RBFOX3: variants seen among roughly 807,000 people sequenced by gnomAD.
RBFOX3 encodes RNA binding fox-1 homolog 3.
RBFOX3 carries 17 observed loss-of-function variants against 48.7 expected under a neutral mutation model. The ratio of observed to expected loss-of-function variants is 0.35; its 90% CI spans 0.24 to 0.52. RBFOX3 has a LOEUF of 0.52. Ranked by LOEUF, RBFOX3 falls within the 20% of genes least tolerant of loss-of-function variation. RBFOX3 has a pLI of 0.94. For missense variants in RBFOX3, 382 were observed against 497.5 expected (o/e 0.77, Z 2.21); for synonymous variants, 212 against 209.5 (o/e 1.01, Z -0.10).
the RBFOX3 span, among the ~76,000 whole-genome samples, chr17:79,616,544 A>G: frequency 2.0e-5 from 3 of 148,062 alleles, no homozygotes; most frequent in African/African-American, 5.0e-5. Flanking sequence ...TCAAGAAAAA[A>G]AAAAAAAAGA....
intron 4 of RBFOX3, among the ~76,000 whole-genome samples, chr17:79,118,418 T>C (rs898343572): frequency 6.7e-6 from 1 of 150,364 alleles, no homozygotes; most frequent in Non-Finnish European, 1.5e-5. Flanking sequence ...CGGAGTCCAG[T>C]GGGAAGGGGT....
At chr17:79,496,507 C>T (rs1418176337) in intron 1 of RBFOX3, among the ~76,000 whole-genome samples, 4 of 152,330 alleles carry the variant, frequency 2.6e-5, no homozygotes, top group Admixed American at 6.5e-5. Context: ...TTTGCACAAA[C>T]ATTTCAAGAG....
intron 2 of RBFOX3, among the ~76,000 whole-genome samples, chr17:79,439,690 G>A (rs1180183522): frequency 6.6e-6 from 1 of 152,228 alleles, no homozygotes; most frequent in Non-Finnish European, 1.5e-5. Flanking sequence ...GTGCACACGT[G>A]CCTCTGCACA....
intron 3 of RBFOX3, among the ~76,000 whole-genome samples, chr17:79,298,785 G>A (rs2074829055): frequency 6.6e-6 from 1 of 152,202 alleles, no homozygotes; most frequent in African/African-American, 2.4e-5. Context: ...TGTCAGGGGT[G>A]GTAGGAGAGC....
chr17:79,100,358 C>A (rs2076185864), intron 9 of RBFOX3: 1 of 152,196 alleles, frequency 6.6e-6, no homozygotes, highest in Admixed American at 6.5e-5. Flanking sequence ...ACTCGGGATG[C>A]TTGCAAAGTG....
chr17:79,379,261 C>T (rs1224772495), intron 2 of RBFOX3, among the ~76,000 whole-genome samples: 7 of 152,134 alleles, frequency 4.6e-5, no homozygotes, highest in Non-Finnish European at 7.4e-5. Flanking sequence ...AGGATGGGCC[C>T]GCACATTGTG....
chr17:79,636,588 G>C, the RBFOX3 span, among the ~76,000 whole-genome samples: 1 of 152,116 alleles, frequency 6.6e-6, no homozygotes, highest in African/African-American at 2.4e-5. Flanking sequence ...TATGCAATGT[G>C]ATCAGCTTTA....
Position 79,103,226 on chromosome 17 carries a change from C to T in RBFOX3, c.443G>A (p.Ser148Asn). The change falls in exon 8 of 15, where the codon AGC (serine) becomes AAC (asparagine). Residue 148 changes from serine to asparagine, a missense_variant. Physicochemically the swap from Ser to Asn is conservative, Grantham distance 46 (BLOSUM62 1). This residue lies in a region of RBFOX3 where 49 missense variants were observed against 110.7 expected (regional missense o/e 0.44). Coordinates refer to ENST00000693108, the MANE Select transcript of RBFOX3 (RefSeq NM_001350451.2). The surrounding 1 kb of genome is among the most constrained non-coding windows in gnomAD (Gnocchi z 6.1). The part of the protein sequence containing the change: ...KGFGFVTFET[S>N]SDADRAREKL... ...CTCCCGGGCTCGGTCAGCATCTGAG[C>T]TAGTTTCAAAAGTTACAAACCCAAA... is the stretch of plus-strand genomic sequence containing the variant. 6.4e-7 allele frequency: 1 copy of T among 1,551,258 alleles called. No homozygotes were observed. The highest frequency in any genetic ancestry group is 1.2e-5 in the South Asian group (1 of 84,050).
chr17:79,422,122 G>T (rs1050154119), intron 2 of RBFOX3, among the ~76,000 whole-genome samples: 1 of 152,124 alleles, frequency 6.6e-6, no homozygotes, highest in Non-Finnish European at 1.5e-5. Flanking sequence ...TGTGGGCCGG[G>T]GAGGAGAGGA....
chr17:79,513,240 A>G (rs1301616009), intron 1 of RBFOX3, among the ~76,000 whole-genome samples: 41 of 126,102 alleles, frequency 3.3e-4, no homozygotes, highest in South Asian at 1.1e-3. Flanking sequence ...TGTTACCATC[A>G]GGTACAGCCC....
At chr17:79,176,375 GC>G (rs2050541333) in intron 4 of RBFOX3, among the ~76,000 whole-genome samples, 1 of 152,180 alleles carries the variant, frequency 6.6e-6, no homozygotes, top group African/African-American at 2.4e-5. Context: ...TGGCACCAGA[GC>G]CCCCAGCACC....
chr17:79,411,269 T>C (rs1315265053), intron 2 of RBFOX3, among the ~76,000 whole-genome samples: 1 of 152,100 alleles, frequency 6.6e-6, no homozygotes, highest in Non-Finnish European at 1.5e-5. Flanking sequence ...CCCAAAGGCA[T>C]TTTGGGGTGG....
chr17:79,288,810 T>C (rs573747589), intron 3 of RBFOX3, among the ~76,000 whole-genome samples: 2 of 151,978 alleles, frequency 1.3e-5, no homozygotes, highest in East Asian at 3.9e-4. Flanking sequence ...CTGACCCCAA[T>C]AACCTCTCTG....
At chr17:79,358,683 ACT>A (rs1343797554) in intron 2 of RBFOX3, among the ~76,000 whole-genome samples, 6 of 151,682 alleles carry the variant, frequency 4.0e-5, no homozygotes, top group Non-Finnish European at 2.9e-5. Context: ...CTGGTCTCGA[ACT>A]CCTGACCTCA....
At chr17:79,635,255 T>C in the RBFOX3 span, among the ~76,000 whole-genome samples, 1 of 152,048 alleles carries the variant, frequency 6.6e-6, no homozygotes, top group Non-Finnish European at 1.5e-5. Flanking sequence ...GAAGGCTTCC[T>C]GGCATCACCA....
intron 2 of RBFOX3, among the ~76,000 whole-genome samples, chr17:79,321,729 G>A (rs767750483): frequency 1.9e-4 from 25 of 135,074 alleles, no homozygotes; most frequent in Non-Finnish European, 2.8e-4. Flanking sequence ...TTTTATAGAC[G>A]GAGTCTCACT....
chr17:79,107,289 G>A (rs972172773), intron 5 of RBFOX3, among the ~76,000 whole-genome samples: 7 of 152,182 alleles, frequency 4.6e-5, no homozygotes, highest in Admixed American at 1.3e-4. Context: ...TCCCTGCCAT[G>A]CTCCTGCTTA....
chr17:79,538,684 A>C (rs1199340691), intron 1 of RBFOX3, among the ~76,000 whole-genome samples: 1 of 152,232 alleles, frequency 6.6e-6, no homozygotes, highest in Non-Finnish European at 1.5e-5. Context: ...CCCAAGAATC[A>C]GGATGAGATC....
intron 1 of RBFOX3, among the ~76,000 whole-genome samples, chr17:79,546,669 A>AT (rs34998319): frequency 0.055 from 6,680 of 121,726 alleles, 286 homozygotes; most frequent in African/African-American, 0.091. Context: ...TCCTCATTCT[A>AT]TTTTTTTTTT....
Sources: allele counts gnomAD v4.1 joint callset (sites outside exome capture counted in the v4.1 genomes callset), GRCh38; gene constraint gnomAD v4.1.1; regional missense constraint gnomAD v4.1.1; non-coding constraint Gnocchi (gnomAD v3.1); transcripts MANE v1.5; gene names NCBI Gene and HGNC (gene_info 2026-07-23, HGNC 2026-07-21).